Variants in PEX14 observed in about 807,000 individuals in gnomAD.
PEX14 encodes peroxisomal biogenesis factor 14.
PEX14 carries 15 observed loss-of-function variants against 49.5 expected under a neutral mutation model. The observed-to-expected ratio is 0.30, with a 90% confidence interval of 0.20 to 0.47. The LOEUF (loss-of-function observed/expected upper bound fraction) is 0.47, where lower values mean the gene tolerates loss of function less well. PEX14 is among the 20% of genes least tolerant of loss of function. The pLI is 1.00. For synonymous variants in PEX14, 210 were observed against 212.7 expected (o/e 0.99, Z 0.11); for missense variants, 398 against 494.8 (o/e 0.80, Z 1.86).
intron 3 of PEX14, among the ~76,000 whole-genome samples, chr1:10,563,337 C>T (rs1270919463): frequency 6.6e-6 from 1 of 151,626 alleles, no homozygotes; most frequent in Non-Finnish European, 1.5e-5. Context: ...CGGTTGCTCA[C>T]GCCTGTAATC....
intron 1 of PEX14, among the ~76,000 whole-genome samples, chr1:10,493,556 T>C (rs777139051): frequency 1.3e-5 from 2 of 152,090 alleles, no homozygotes; most frequent in Non-Finnish European, 2.9e-5. Flanking sequence ...GCTTCCCAAA[T>C]AGCTGGGAGT....
chr1:10,501,322 G>A lies in PEX14; in HGVS notation c.84+6001G>A, dbSNP rs111370166. ...TTTATTTTTATTTTTATTTTGAGAT[G>A]CAGTCTCGCTTTTGCCCAGGCTAGA... is the stretch of plus-strand genomic sequence containing the variant. On this transcript the variant is annotated intron_variant, in intron 2 of 8. Coordinates refer to ENST00000356607, the MANE Select transcript of PEX14 (RefSeq NM_004565.3). 1.2e-3 allele frequency among the ~76,000 whole-genome samples: 137 copies of A among 119,014 alleles called. 1 individual carries two copies. The highest frequency in any genetic ancestry group is 3.8e-3 in the African/African-American group (132 of 34,942). 78.1% of individuals were successfully genotyped at this position (119,014 alleles called of 152,430 possible).
chr1:10,626,392 C>G (rs921053447), intron 7 of PEX14, among the ~76,000 whole-genome samples: 5 of 152,192 alleles, frequency 3.3e-5, no homozygotes, highest in African/African-American at 1.2e-4. Flanking sequence ...GTGGGTGACA[C>G]GCACTCACTC....
intron 3 of PEX14, among the ~76,000 whole-genome samples, chr1:10,584,453 G>A (rs1471938815): frequency 6.6e-6 from 1 of 152,172 alleles, no homozygotes; most frequent in Admixed American, 6.5e-5. Flanking sequence ...ACAAGCATGA[G>A]CTTCCCCGAC....
intron 3 of PEX14, among the ~76,000 whole-genome samples, chr1:10,563,739 C>G (rs879784983): frequency 6.2e-4 from 94 of 152,086 alleles, no homozygotes; most frequent in Admixed American, 1.9e-3. Flanking sequence ...GGTGAAACCC[C>G]GTCTCTACTA....
chr1:10,543,178 A>G (rs1470602291), intron 3 of PEX14, among the ~76,000 whole-genome samples: 1 of 152,208 alleles, frequency 6.6e-6, no homozygotes, highest in Non-Finnish European at 1.5e-5. Context: ...TCTGTCGCCC[A>G]GGGTGGAGTG....
intron 4 of PEX14, among the ~76,000 whole-genome samples, chr1:10,609,656 G>A (rs1332348660): frequency 6.6e-6 from 1 of 152,134 alleles, no homozygotes; most frequent in Non-Finnish European, 1.5e-5. Context: ...AGGCTGAGGA[G>A]GGCGGATCAC....
intron 2 of PEX14, among the ~76,000 whole-genome samples, chr1:10,534,574 G>A (rs148559329): frequency 2.6e-4 from 39 of 152,166 alleles, no homozygotes; most frequent in Non-Finnish European, 4.4e-4. Flanking sequence ...GACCTGAGGC[G>A]ATCTGGTTGA....
chr1:10,629,998 G>A lies in PEX14; in HGVS notation c.*11G>A, dbSNP rs1252568509. On this transcript the variant is annotated 3_prime_UTR_variant, in exon 9 of 9. Transcript: ENST00000356607. The surrounding 1 kb of genome is among the most constrained non-coding windows in gnomAD (Gnocchi z 8.5). ...AGTGAGCGGGACTAGGGCTGCGCCT[G>A]CTGCCTCCAGCCCTGAGGATGGCAT... is the stretch of plus-strand genomic sequence containing the variant. The A allele has an allele frequency of 6.2e-7, 1 of 1,606,358 alleles. No homozygotes were observed. The highest frequency in any genetic ancestry group is 1.1e-5 in the South Asian group (1 of 90,796).
In PEX14 at chr1:10,627,918, T is replaced by G. The variant is rs146830983; in HGVS notation, c.677+555T>G. Reference sequence around the variant, plus strand: ...ACTTGTCCTGCTTTGCCTGGGACTGTCCTGGTTTTATTTATTTTTATTTTT... The same window carrying G: ...ACTTGTCCTGCTTTGCCTGGGACTGGCCTGGTTTTATTTATTTTTATTTTT... On this transcript the variant is annotated intron_variant, in intron 8 of 8. Transcript: ENST00000356607. Among the ~76,000 whole-genome samples the G allele has an allele frequency of 4.6e-5, 7 of 152,290 alleles. No homozygotes were observed. The East Asian group carries it at 1.4e-3, about 29-fold the overall frequency.
intron 2 of PEX14, among the ~76,000 whole-genome samples, chr1:10,501,425 C>G (rs938049999): frequency 6.6e-6 from 1 of 152,200 alleles, no homozygotes; most frequent in African/African-American, 2.4e-5. Flanking sequence ...CCTGCCTCAG[C>G]CTCCCGAGTA....
chr1:10,542,116 G>C (rs940329688), intron 3 of PEX14, among the ~76,000 whole-genome samples: 2 of 152,146 alleles, frequency 1.3e-5, no homozygotes, highest in Non-Finnish European at 2.9e-5. Flanking sequence ...AAAAGGTAAG[G>C]CATATACATG....
chr1:10,500,074 G>A (rs745385915), intron 2 of PEX14, among the ~76,000 whole-genome samples: 2 of 151,956 alleles, frequency 1.3e-5, no homozygotes, highest in African/African-American at 4.8e-5. Flanking sequence ...ATCAGAAGGC[G>A]TATTTTGATG....
rs1469453975 is a variant in PEX14, at chr1:10,628,715, G to A, written c.678-816G>A. The stretch of plus-strand genomic sequence containing the variant: ...GCTGGTGAATAAAGCAGGCCGTGGT[G>A]TGTGCCCCACTCAAGTGGGGTCTGT... On this transcript the variant is annotated intron_variant, in intron 8 of 8. Coordinates refer to ENST00000356607, the MANE Select transcript of PEX14 (RefSeq NM_004565.3). This position sits in a 1 kb window ranked among gnomAD's most constrained non-coding sequence, Gnocchi z 4.5. Among the ~76,000 whole-genome samples the A allele has an allele frequency of 6.6e-6, 1 of 152,260 alleles. No individual in the cohort carries two copies. Among genetic ancestry groups the A allele is most frequent in the Non-Finnish European group, 1.5e-5 (1 of 68,042 alleles).
chr1:10,483,607 G>A (rs114074641), intron 1 of PEX14, among the ~76,000 whole-genome samples: 6,352 of 151,850 alleles, frequency 0.042, 629 homozygotes, highest in African/African-American at 0.15. Flanking sequence ...GAGCCACTGC[G>A]CCTGGCCTGG....
At position 10,514,154 on chromosome 1, in the gene PEX14, CTCTGTG is replaced by C. The variant is rs1485550729; in HGVS notation, c.84+18835_84+18840del. ...AAAAAATGTATAAAATAATCTATGCCTCTGTGTGTGTGTGTGTGTGTGTGTGTGTGT... is the reference window on the plus strand; with the variant it reads ...AAAAAATGTATAAAATAATCTATGCCTGTGTGTGTGTGTGTGTGTGTGTGT... On this transcript the variant is annotated intron_variant, in intron 2 of 8. Transcript: ENST00000356607. The surrounding 1 kb of genome is among the most constrained non-coding windows in gnomAD (Gnocchi z 4.4). 2.2e-5 allele frequency among the ~76,000 whole-genome samples: 2 copies of C among 89,548 alleles called. No individual in the cohort carries two copies. 58.7% of individuals were successfully genotyped at this position (89,548 alleles called of 152,430 possible).
chr1:10,560,720 T>C (rs1196663634), intron 3 of PEX14, among the ~76,000 whole-genome samples: 4 of 146,910 alleles, frequency 2.7e-5, no homozygotes, highest in African/African-American at 7.5e-5. Flanking sequence ...TTTGCCACCT[T>C]TTTTTTTTTT....
intron 1 of PEX14, among the ~76,000 whole-genome samples, chr1:10,481,517 C>T (rs770549117): frequency 6.6e-6 from 1 of 152,092 alleles, no homozygotes; most frequent in Non-Finnish European, 1.5e-5. Context: ...TCACAGCTCA[C>T]TGTAGCCTTG....
Position 10,503,568 on chromosome 1 carries a change from G to T in PEX14, c.84+8247G>T, listed in dbSNP as rs143749276. On this transcript the variant is annotated intron_variant, in intron 2 of 8. Coordinates refer to ENST00000356607, the MANE Select transcript of PEX14 (RefSeq NM_004565.3). The stretch of plus-strand genomic sequence containing the variant: ...ATTAAAATCAGTCATCAGTTTCAAA[G>T]AATTTTCATGTAAAAGTGTTTTTTT... 4.3e-3 allele frequency among the ~76,000 whole-genome samples: 651 copies of T among 150,986 alleles called. 7 individuals are homozygous for T. Among genetic ancestry groups the T allele is most frequent in the African/African-American group, 0.015 (601 of 41,206 alleles).
Sources: gnomAD v4.1 joint callset for allele counts (sites outside exome capture counted in the v4.1 genomes callset) on GRCh38, gnomAD v4.1.1 for gene constraint, Gnocchi (gnomAD v3.1) non-coding constraint, MANE v1.5 for transcripts, NCBI Gene and HGNC (gene_info 2026-07-23, HGNC 2026-07-21) for gene names.